The following CHRNA4 variants were observed in gnomAD, a reference collection of about 807,000 sequenced individuals.
CHRNA4 encodes neuronal acetylcholine receptor subunit alpha-4.
CHRNA4 carries 28 observed loss-of-function variants against 48.9 expected under a neutral mutation model. That is an observed-to-expected ratio of 0.57 (90% CI 0.42 to 0.79). The LOEUF (loss-of-function observed/expected upper bound fraction) is 0.79. Ranked by LOEUF, CHRNA4 falls within the 30% of genes least tolerant of loss-of-function variation. The probability of loss-of-function intolerance (pLI) is 0.00; values close to 1 mark genes in which losing one functional copy is unlikely to be tolerated. For missense variants in CHRNA4, 859 were observed against 898.4 expected (o/e 0.96, Z 0.56); for synonymous variants, 425 against 402.3 (o/e 1.06, Z -0.68).
intron 5 of CHRNA4, 183 bp downstream of exon 5, chr20:63,349,470 T>C: frequency 1.2e-6 from 1 of 801,186 alleles, no homozygotes; most frequent in Non-Finnish European, 2.0e-6. Context: ...CCGCTCAGCC[T>C]GGGACCTGCG....
In CHRNA4 at chr20:63,344,772, C is replaced by T. The variant is rs200310507; in HGVS notation, c.*1966G>A. On this transcript the variant is annotated 3_prime_UTR_variant, in exon 6 of 6. Coordinates refer to ENST00000370263, the MANE Select transcript of CHRNA4 (RefSeq NM_000744.7). The surrounding 1 kb of genome is among the most constrained non-coding windows in gnomAD (Gnocchi z 4.5). ...TGTCTCCTGCCAGCTTCCATGGCCC[C>T]GGGATGACCTCACTCTCCCAGGGTC... 4.4e-5 allele frequency: 20 copies of T among 453,984 alleles called. No individual in the cohort carries two copies. The highest frequency in any genetic ancestry group is 7.0e-5 in the Admixed American group (3 of 42,560). 28.1% of individuals were successfully genotyped at this position (453,984 alleles called of 1,614,324 possible).
intron 1 of CHRNA4, among the ~76,000 whole-genome samples, chr20:63,360,365 C>G (rs911317272): frequency 6.6e-6 from 1 of 152,218 alleles, no homozygotes; most frequent in Non-Finnish European, 1.5e-5. Flanking sequence ...GCACCCCAGC[C>G]TGCCCGTGCT....
rs1381466267 is a variant in CHRNA4 at position 63,354,589 on chromosome 20, G to C, written c.383+1386C>G. 2.5e-5 allele frequency: 15 copies of C among 592,638 alleles called. No homozygotes were observed. In the African/African-American group the frequency reaches 3.5e-4, roughly 14 times the overall value. 36.7% of individuals were successfully genotyped at this position (592,638 alleles called of 1,614,324 possible). On this transcript the variant is annotated intron_variant, in intron 4 of 5. Coordinates refer to ENST00000370263, the MANE Select transcript of CHRNA4 (RefSeq NM_000744.7). Reference sequence around the variant, plus strand: ...GGTCCTGGTGAGGCTGTGGAAGTGGGGGGGGCTGCAGTACTCGGGGGGCTG... The same window carrying C: ...GGTCCTGGTGAGGCTGTGGAAGTGGCGGGGGCTGCAGTACTCGGGGGGCTG...
At position 63,349,880 on chromosome 20, in the gene CHRNA4, C is replaced by G; in HGVS notation, c.1531G>C (p.Ala511Pro). The G allele has an allele frequency of 6.3e-7, 1 of 1,593,650 alleles. No homozygotes were observed. The highest frequency in any genetic ancestry group is 8.6e-7 in the Non-Finnish European group (1 of 1,168,502). Residue 511 changes from alanine to proline, a missense_variant, in exon 5 of 6, where the codon GCC (alanine) becomes CCC (proline). Ala to Pro is a conservative substitution (Grantham distance 27). This residue lies in a region of CHRNA4 where 478 missense variants were observed against 455.4 expected (regional missense o/e 1.05). Coordinates refer to ENST00000370263, the MANE Select transcript of CHRNA4 (RefSeq NM_000744.7). The stretch of plus-strand genomic sequence containing the variant: ...TCAGCCGAGTGGGTGTTGCGAGAGG[C>G]CAGGGCGCCGGCAGCCTGGCCATCT... ...EADGQAAGAL[A>P]SRNTHSAELP...
At chr20:63,357,391 C>T (rs541516002) in intron 2 of CHRNA4, among the ~76,000 whole-genome samples, 64 of 152,358 alleles carry the variant, frequency 4.2e-4, no homozygotes, top group African/African-American at 1.4e-3. Context: ...TGCCCAGTGT[C>T]GTGCCCTACC....
rs941063587 is a variant in CHRNA4 at position 63,350,968 on chromosome 20, C to T, written c.443G>A (p.Arg148Gln). The T allele has an allele frequency of 3.1e-6, 5 of 1,613,610 alleles. No individual in the cohort carries two copies. Among genetic ancestry groups the T allele is most frequent in the Non-Finnish European group, 3.4e-6 (4 of 1,180,010 alleles). ...AATGGCCGGGGGAGTCCACTGCACC[C>T]GCCCGTCATGGAACAGGTGGGCCTT... ...LTKAHLFHDG[R>Q]VQWTPPAIYK... Residue 148 changes from arginine (R) to glutamine (Q), a missense_variant, in exon 5 of 6, where the codon CGG (arginine) becomes CAG (glutamine). Transcript: ENST00000370263.
Position 63,345,389 on chromosome 20 carries a change from C to G in CHRNA4, c.*1349G>C. The G allele has an allele frequency of 2.4e-6, 1 of 420,048 alleles. No individual in the cohort carries two copies. The highest frequency in any genetic ancestry group is 4.9e-6 in the Non-Finnish European group (1 of 204,320). 26.0% of individuals were successfully genotyped at this position (420,048 alleles called of 1,614,324 possible). On this transcript the variant is annotated 3_prime_UTR_variant, in exon 6 of 6. Transcript: ENST00000370263. This position sits in a 1 kb window ranked among gnomAD's most constrained non-coding sequence, Gnocchi z 5.4. ...CATCCTGGCCCCGCCCCTCTGGGCCCTTGGAATCATGGAGGGGTGGGGCAG... is the reference window on the plus strand; with the variant it reads ...CATCCTGGCCCCGCCCCTCTGGGCCGTTGGAATCATGGAGGGGTGGGGCAG...
At chr20:63,359,766 T>C (rs1311509680) in intron 1 of CHRNA4, 67 bp from the exon 2 acceptor site, 2 of 1,561,014 alleles carry the variant, frequency 1.3e-6, no homozygotes, top group Non-Finnish European at 1.7e-6. Flanking sequence ...GTCCAGGAGC[T>C]CTCCAGGCTG....
In CHRNA4 at chr20:63,343,745, C is replaced by G. The variant is rs200769027; in HGVS notation, c.*2993G>C. 1 of 452,390 alleles carries G rather than the reference C, an allele frequency of 2.2e-6. No homozygotes were observed. Among genetic ancestry groups the G allele is most frequent in the Non-Finnish European group, 4.4e-6 (1 of 225,614 alleles). 28.0% of individuals were successfully genotyped at this position (452,390 alleles called of 1,614,324 possible). On this transcript the variant is annotated 3_prime_UTR_variant, in exon 6 of 6. Coordinates refer to ENST00000370263, the MANE Select transcript of CHRNA4 (RefSeq NM_000744.7). The stretch of plus-strand genomic sequence containing the variant: ...GGAGGGGGCAGGATGGCGCAAGCAG[C>G]CGCAGAGGGGCCGGCGCCCCGGCAG...
rs1241080636 is a variant in CHRNA4 at position 63,349,966 on chromosome 20, A to C, written c.1445T>G (p.Val482Gly). 6.4e-7 allele frequency: 1 copy of C among 1,562,468 alleles called. No homozygotes were observed. ...SSPGEAVEGG[V>G]RCRSRSIQYC... ...CTGGATGCTCCGAGACCGGCACCGGACGCCGCCTTCCACCGCTTCGCCAGG... is the reference window on the plus strand; with the variant it reads ...CTGGATGCTCCGAGACCGGCACCGGCCGCCGCCTTCCACCGCTTCGCCAGG... Residue 482 changes from valine (V) to glycine (G), a missense_variant, in exon 5 of 6, where the codon GTC becomes GGC. Coordinates refer to ENST00000370263, the MANE Select transcript of CHRNA4 (RefSeq NM_000744.7).
At chr20:63,353,708 G>A (rs1476946828) in intron 4 of CHRNA4, among the ~76,000 whole-genome samples, 1 of 65,108 alleles carries the variant, frequency 1.5e-5, no homozygotes, top group African/African-American at 6.0e-5. Flanking sequence ...TCCTGGGGGG[G>A]CTGCGGTCCT....
Position 63,350,003 on chromosome 20 carries a change from G to C in CHRNA4, c.1408C>G (p.His470Asp). 1 of 1,537,140 alleles carries C rather than the reference G, an allele frequency of 6.5e-7. No homozygotes were observed. The highest frequency in any genetic ancestry group is 8.8e-7 in the Non-Finnish European group (1 of 1,141,660). ...ACCGCTTCGCCAGGGCTGGACATGTGCTGGACGCTGAGGGACCTGGCTTTG... is the reference window on the plus strand; with the variant it reads ...ACCGCTTCGCCAGGGCTGGACATGTCCTGGACGCTGAGGGACCTGGCTTTG... ...LAKARSLSVQ[H>D]MSSPGEAVEG... Residue 470 changes from histidine (H) to aspartate (D), a missense_variant, in exon 5 of 6, where the codon CAC becomes GAC. Physicochemically the swap from His to Asp is moderately conservative, Grantham distance 81. Coordinates refer to ENST00000370263, the MANE Select transcript of CHRNA4 (RefSeq NM_000744.7).
In CHRNA4 at chr20:63,350,664, G is replaced by A. The variant is rs138547414; in HGVS notation, c.747C>T (p.Asn249=). The change falls in exon 5 of 6, where the codon AAC becomes AAT. Residue 249 remains asparagine (N), a synonymous_variant. Coordinates refer to ENST00000370263, the MANE Select transcript of CHRNA4 (RefSeq NM_000744.7). The part of the protein sequence containing the change: ...IRRLPLFYTI[N]LIIPCLLISC... Reference sequence around the variant, plus strand: ...AGATGAGCAGGCAGGGGATGATGAGGTTGATGGTGTAGAAGAGCGGCAGCC... The same window carrying A: ...AGATGAGCAGGCAGGGGATGATGAGATTGATGGTGTAGAAGAGCGGCAGCC... The A allele has an allele frequency of 3.1e-6, 5 of 1,614,014 alleles. No individual in the cohort carries two copies. The highest frequency in any genetic ancestry group is 2.2e-5 in the South Asian group (2 of 91,070).
Position 63,346,710 on chromosome 20 carries a change from C to G in CHRNA4, c.*28G>C. On this transcript the variant is annotated 3_prime_UTR_variant, in exon 6 of 6. Transcript: ENST00000370263. ...GATGCTGGCCCCGTGCACGGCAGCC[C>G]CAGGCCACGCAGGCTCCCGGTCCCT... 1 of 1,594,688 alleles carries G rather than the reference C, an allele frequency of 6.3e-7. No homozygotes were observed. Among genetic ancestry groups the G allele is most frequent in the Non-Finnish European group, 8.5e-7 (1 of 1,174,722 alleles).
rs561318608 is a variant in CHRNA4, at chr20:63,346,891, C to G, written c.1759-28G>C. On this transcript the variant is annotated intron_variant, in intron 5 of 5. Coordinates refer to ENST00000370263, the MANE Select transcript of CHRNA4 (RefSeq NM_000744.7). Reference sequence around the variant, plus strand: ...GCAAGCACAGACGCCGTCACTCCAGCACGGCCCGGCCGCCGCCAGCGGGGA... The same window carrying G: ...GCAAGCACAGACGCCGTCACTCCAGGACGGCCCGGCCGCCGCCAGCGGGGA... 7.6e-5 allele frequency: 123 copies of G among 1,611,606 alleles called. No homozygotes were observed. The South Asian group carries it at 1.3e-3, about 17-fold the overall frequency.
chr20:63,359,291 GA>G, intron 2 of CHRNA4: 1 of 561,784 alleles, frequency 1.8e-6, no homozygotes, highest in Non-Finnish European at 3.2e-6. Context: ...GCTCTGTACT[GA>G]GAACCTGGCC....
intron 1 of CHRNA4, among the ~76,000 whole-genome samples, chr20:63,360,355 G>A (rs943127548): frequency 4.6e-5 from 7 of 152,120 alleles, no homozygotes; most frequent in African/African-American, 1.7e-4. Context: ...AGCCCCCTCC[G>A]CACCCCAGCC....
rs2068587734 is a variant in CHRNA4, at chr20:63,350,934, G to A, written c.477C>T (p.Ser159=). The A allele has an allele frequency of 6.2e-7, 1 of 1,613,926 alleles. No individual in the cohort carries two copies. Among genetic ancestry groups the A allele is most frequent in the African/African-American group, 1.3e-5 (1 of 75,018 alleles). ...AGAAGGTGACGTCGATGCTGCAGGA[G>A]CTCTTGTAAATGGCCGGGGGAGTCC... is the stretch of plus-strand genomic sequence containing the variant. ...VQWTPPAIYK[S]SCSIDVTFFP... Residue 159 remains serine (S), a synonymous_variant, in exon 5 of 6, where the codon AGC becomes AGT. Transcript: ENST00000370263.
intron 5 of CHRNA4, among the ~76,000 whole-genome samples, chr20:63,348,023 C>T (rs1450842098): frequency 6.6e-6 from 1 of 152,232 alleles, no homozygotes; most frequent in East Asian, 1.9e-4. Context: ...TCCTATGTGC[C>T]TTTAGTTCCC....
Sources: gnomAD v4.1 joint callset for allele counts (sites outside exome capture counted in the v4.1 genomes callset) on GRCh38, gnomAD v4.1.1 for gene constraint, gnomAD v4.1.1 regional missense constraint, Gnocchi (gnomAD v3.1) non-coding constraint, MANE v1.5 for transcripts, NCBI Gene and HGNC (gene_info 2026-07-23, HGNC 2026-07-21) for gene names.